SLITRK5: variants seen among roughly 807,000 people sequenced by gnomAD.
SLITRK5 encodes the protein SLIT and NTRK like family member 5.
Under a neutral mutation model 56.2 loss-of-function variants are expected in SLITRK5, and 23 were observed. That is an observed-to-expected ratio of 0.41 (90% CI 0.29 to 0.58). The LOEUF (loss-of-function observed/expected upper bound fraction) is 0.58. Among genes scored for constraint, SLITRK5 ranks in the 20% least tolerant of loss-of-function variants. SLITRK5 has a pLI of 0.30. For synonymous variants in SLITRK5, 637 were observed against 531.8 expected (o/e 1.20, Z -2.72); for missense variants, 1,289 against 1,226.6 (o/e 1.05, Z -0.76).
At position 87,671,827 on chromosome 13, in the gene SLITRK5, C is replaced by A. The variant is rs920077090; in HGVS notation, c.-391C>A. On this transcript the variant is annotated 5_prime_UTR_variant, in exon 1 of 2. Coordinates refer to ENST00000683689, the MANE Select transcript of SLITRK5 (RefSeq NM_001384609.1). ...GGCGGGCTCGGCGCGGAGACAGCGTCGGCGGGATCCCAGCGCGGTGGTCGC... is the reference window on the plus strand; with the variant it reads ...GGCGGGCTCGGCGCGGAGACAGCGTAGGCGGGATCCCAGCGCGGTGGTCGC... 2.0e-5 allele frequency among the ~76,000 whole-genome samples: 3 copies of A among 151,982 alleles called. No homozygotes were observed. The highest frequency in any genetic ancestry group is 2.9e-5 in the Non-Finnish European group (2 of 67,974).
rs760543411 is a variant in SLITRK5 at position 87,675,976 on chromosome 13, T to C, written c.588T>C (p.Leu196=). The C allele has an allele frequency of 1.9e-6, 3 of 1,614,124 alleles. No homozygotes were observed. In the Admixed American group the frequency reaches 5.0e-5, roughly 27 times the overall value. Reference sequence around the variant, plus strand: ...TTTTGTCCAGTTTACCCAACAATCTTTTCCGTTTTGTGCCCTTAACGCACT... The same window carrying C: ...TTTTGTCCAGTTTACCCAACAATCTCTTCCGTTTTGTGCCCTTAACGCACT... The part of the protein sequence containing the change: ...DNLLSSLPNN[L]FRFVPLTHLD... The change falls in exon 2 of 2, where the codon CTT becomes CTC. Residue 196 remains leucine (L), a synonymous_variant. Transcript: ENST00000683689.
chr13:87,676,126 A>C lies in SLITRK5; in HGVS notation c.738A>C (p.Leu246=). The C allele has an allele frequency of 6.2e-7, 1 of 1,614,014 alleles. No individual in the cohort carries two copies. Among genetic ancestry groups the C allele is most frequent in the South Asian group, 1.1e-5 (1 of 91,078 alleles). ...ATTGTTCTTGTGAGCTGATCTCTCT[A>C]AAGGATTGGTTGGACAGCATCTCCT... ...PWNCSCELIS[L]KDWLDSISYS... The change falls in exon 2 of 2, where the codon CTA becomes CTC. Residue 246 remains leucine (L), a synonymous_variant. Coordinates refer to ENST00000683689, the MANE Select transcript of SLITRK5 (RefSeq NM_001384609.1).
Position 87,677,963 on chromosome 13 carries a change from T to G in SLITRK5, c.2575T>G (p.Leu859Val). The G allele has an allele frequency of 2.5e-6, 4 of 1,613,982 alleles. No individual in the cohort carries two copies. Reference protein sequence around the residue: ...QDADRFYRGILEPDKHCSTTP... With the variant: ...QDADRFYRGIVEPDKHCSTTP... ...CGCCGACCGCTTTTACAGGGGCATT[T>G]TAGAACCAGACAAACACTGCTCCAC... The change falls in exon 2 of 2, where the codon TTA (leucine) becomes GTA (valine). Residue 859 changes from leucine to valine, a missense_variant. Leu to Val is a conservative substitution (Grantham distance 32). This residue lies in a region of SLITRK5 where 985 missense variants were observed against 906.0 expected (regional missense o/e 1.09). Coordinates refer to ENST00000683689, the MANE Select transcript of SLITRK5 (RefSeq NM_001384609.1). This position sits in a 1 kb window ranked among gnomAD's most constrained non-coding sequence, Gnocchi z 4.7.
rs778143591 is a variant in SLITRK5, at chr13:87,676,309, C to T, written c.921C>T (p.His307=). The T allele has an allele frequency of 6.2e-7, 1 of 1,614,106 alleles. No individual in the cohort carries two copies. Among genetic ancestry groups the T allele is most frequent in the Admixed American group, 1.7e-5 (1 of 60,014 alleles). The change falls in exon 2 of 2, where the codon CAC becomes CAT. Residue 307 remains histidine, a synonymous_variant. Transcript: ENST00000683689. ...QTPLSTTGYL[H]TTPASVNSVA... The stretch of plus-strand genomic sequence containing the variant: ...CTTTGAGCACCACGGGGTATTTACA[C>T]ACCACCCCGGCGTCAGTGAATTCTG...
Position 87,675,535 on chromosome 13 carries a change from C to T in SLITRK5, c.147C>T (p.Asp49=), listed in dbSNP as rs758620361. The change falls in exon 2 of 2, where the codon GAC becomes GAT. Residue 49 remains aspartate, a synonymous_variant. Transcript: ENST00000683689. ...TCGATTATTATGGGGAAATCTGTGA[C>T]AATGCATGTCCTTGTGAGGAAAAGG... is the stretch of plus-strand genomic sequence containing the variant. The part of the protein sequence containing the change: ...ETIDYYGEIC[D]NACPCEEKDG... 54 of 1,614,052 alleles carry T rather than the reference C, an allele frequency of 3.3e-5. No homozygotes were observed. The Admixed American group carries it at 6.7e-4, about 20-fold the overall frequency.
rs748694724 is a variant in SLITRK5 at position 87,676,517 on chromosome 13, G to A, written c.1129G>A (p.Ala377Thr). The A allele has an allele frequency of 2.1e-5, 34 of 1,613,940 alleles. No individual in the cohort carries two copies. The highest frequency in any genetic ancestry group is 2.7e-5 in the Non-Finnish European group (32 of 1,180,010). The change falls in exon 2 of 2, where the codon GCG becomes ACG. Residue 377 changes from alanine to threonine, a missense_variant. Ala to Thr is a moderately conservative substitution (Grantham distance 58). Coordinates refer to ENST00000683689, the MANE Select transcript of SLITRK5 (RefSeq NM_001384609.1). ...CCCGGTGCCTTTGGAGTGTCCCACC[G>A]CGTGCTCTTGCAACCTGCAGATCTC... ...KSPVPLECPT[A>T]CSCNLQISDL...
In SLITRK5 at chr13:87,678,203, C is replaced by T; in HGVS notation, c.2815C>T (p.Leu939=). The change falls in exon 2 of 2, where the codon CTA becomes TTA. Residue 939 remains leucine, a synonymous_variant. Transcript: ENST00000683689. ...CGAATATCTGGAGTTAAAAGCAAAACTAAACGTTGAGCCGGACTACCTCGA... is the reference window on the plus strand; with the variant it reads ...CGAATATCTGGAGTTAAAAGCAAAATTAAACGTTGAGCCGGACTACCTCGA... ...RNEYLELKAK[L]NVEPDYLEVL... 1.2e-6 allele frequency: 2 copies of T among 1,614,180 alleles called. No individual in the cohort carries two copies. The highest frequency in any genetic ancestry group is 1.7e-6 in the Non-Finnish European group (2 of 1,180,038).
At chr13:87,672,900 T>C (rs894691182) in intron 1 of SLITRK5, 1 of 159,336 alleles carries the variant, frequency 6.3e-6, no homozygotes, top group Non-Finnish European at 1.4e-5. Flanking sequence ...TGTGTGTGTG[T>C]GTGTGTGTCT....
rs1593972111 is a variant in SLITRK5, at chr13:87,675,474, C to T, written c.86C>T (p.Ala29Val). The change falls in exon 2 of 2, where the codon GCT becomes GTT. Residue 29 changes from alanine (A) to valine (V), a missense_variant. By Grantham distance (64) the Ala-to-Val change is moderately conservative. Around this residue, in one of 3 missense-constraint regions of SLITRK5, gnomAD observed 291 missense variants for 286.7 expected, o/e 1.02. Transcript: ENST00000683689. ...TGGATGCTGCAGACTCTAGCGTTTG[C>T]TGTAACATCTCTCGTCCTTTCGTGT... is the stretch of plus-strand genomic sequence containing the variant. ...HSWMLQTLAFAVTSLVLSCAE... is the reference protein window; with the variant it reads ...HSWMLQTLAFVVTSLVLSCAE... The T allele has an allele frequency of 2.5e-6, 4 of 1,614,152 alleles. No individual in the cohort carries two copies. Among genetic ancestry groups the T allele is most frequent in the African/African-American group, 1.3e-5 (1 of 75,042 alleles).
chr13:87,678,059 C>T lies in SLITRK5; in HGVS notation c.2671C>T (p.Pro891Ser). Residue 891 changes from proline (P) to serine (S), a missense_variant, in exon 2 of 2, where the codon CCC becomes TCC. Coordinates refer to ENST00000683689, the MANE Select transcript of SLITRK5 (RefSeq NM_001384609.1). The part of the protein sequence containing the change: ...PCSPAAYTFS[P>S]NYDLRRPHQY... ...CAGCCCCGCTGCTTACACTTTCTCC[C>T]CCAACTATGACCTGAGACGCCCCCA... 1 of 1,614,138 alleles carries T rather than the reference C, an allele frequency of 6.2e-7. No individual in the cohort carries two copies.
In SLITRK5 at chr13:87,678,042, C is replaced by G; in HGVS notation, c.2654C>G (p.Ala885Gly). The change falls in exon 2 of 2, where the codon GCT becomes GGT. Residue 885 changes from alanine to glycine, a missense_variant. By Grantham distance (60) the Ala-to-Gly change is moderately conservative (BLOSUM62 0). Transcript: ENST00000683689. ...PEYPKFPCSP[A>G]AYTFSPNYDL... ...TATCCCAAATTCCCGTGCAGCCCCG[C>G]TGCTTACACTTTCTCCCCCAACTAT... 6.2e-7 allele frequency: 1 copy of G among 1,614,156 alleles called. No individual in the cohort carries two copies. The highest frequency in any genetic ancestry group is 8.5e-7 in the Non-Finnish European group (1 of 1,179,960).
At chr13:87,672,856 TGTGTGTGTGTG>T (rs1877096837) in intron 1 of SLITRK5, 2 of 16,866 alleles carry the variant, frequency 1.2e-4, no homozygotes, top group Admixed American at 1.6e-3. Context: ...GCAAAAGAGG[TGTGTGTGTGTG>T]TGTGTGTGTG....
Position 87,675,961 on chromosome 13 carries a change from T to G in SLITRK5, c.573T>G (p.Ser191Arg). The change falls in exon 2 of 2, where the codon AGT becomes AGG. Residue 191 changes from serine to arginine, a missense_variant. Transcript: ENST00000683689. Reference sequence around the variant, plus strand: ...TCCTCAATGACAATCTTTTGTCCAGTTTACCCAACAATCTTTTCCGTTTTG... The same window carrying G: ...TCCTCAATGACAATCTTTTGTCCAGGTTACCCAACAATCTTTTCCGTTTTG... Reference protein sequence around the residue: ...VLILNDNLLSSLPNNLFRFVP... With the variant: ...VLILNDNLLSRLPNNLFRFVP... 6.2e-7 allele frequency: 1 copy of G among 1,614,122 alleles called. No homozygotes were observed. The highest frequency in any genetic ancestry group is 8.5e-7 in the Non-Finnish European group (1 of 1,180,012).
At chr13:87,674,153 G>A (rs1022950481) in intron 1 of SLITRK5, among the ~76,000 whole-genome samples, 1 of 152,046 alleles carries the variant, frequency 6.6e-6, no homozygotes, top group South Asian at 2.1e-4. Context: ...AGGGGGAGGG[G>A]GTCATATTGA....
At chr13:87,674,007 AACACACAC>A (rs71101016) in intron 1 of SLITRK5, among the ~76,000 whole-genome samples, 2,226 of 142,526 alleles carry the variant, frequency 0.016, 18 homozygotes, top group Middle Eastern at 0.03. Flanking sequence ...CGCACACACA[AACACACAC>A]ACACACACAC....
intron 1 of SLITRK5, chr13:87,674,504 T>G (rs2137941166): frequency 5.5e-6 from 3 of 547,798 alleles, no homozygotes; most frequent in Non-Finnish European, 7.0e-6. Flanking sequence ...ATTCGGAGAT[T>G]GCGGATACCT....
At chr13:87,673,590 T>C in intron 1 of SLITRK5, 2 of 1,150,870 alleles carry the variant, frequency 1.7e-6, no homozygotes, top group Non-Finnish European at 2.3e-6. Flanking sequence ...CGTTTTGCTT[T>C]CACTGGGGTG....
rs1461739998 is a variant in SLITRK5, at chr13:87,678,119, C to T, written c.2731C>T (p.Leu911=). The T allele has an allele frequency of 6.2e-7, 1 of 1,614,220 alleles. No homozygotes were observed. The highest frequency in any genetic ancestry group is 1.3e-5 in the African/African-American group (1 of 75,064). Residue 911 remains leucine, a synonymous_variant, in exon 2 of 2, where the codon CTA becomes TTA. Coordinates refer to ENST00000683689, the MANE Select transcript of SLITRK5 (RefSeq NM_001384609.1). ...YLHPGAGDSR[L]REPVLYSPPS... ...GCACCCGGGGGCAGGGGACAGCAGG[C>T]TACGGGAACCGGTGCTCTACAGCCC...
In SLITRK5 at chr13:87,675,756, G is replaced by T. The variant is rs1302195301; in HGVS notation, c.368G>T (p.Gly123Val). 6.2e-7 allele frequency: 1 copy of T among 1,614,008 alleles called. No individual in the cohort carries two copies. The highest frequency in any genetic ancestry group is 1.3e-5 in the African/African-American group (1 of 74,890). The change falls in exon 2 of 2, where the codon GGG becomes GTG. Residue 123 changes from glycine to valine, a missense_variant. Gly to Val is a moderately radical substitution (Grantham distance 109). Transcript: ENST00000683689. ...AATGTTATCCAGGACATTGAGACCG[G>T]GGCTTTCCATGGGCTACGGGGTTTG... ...GSNVIQDIET[G>V]AFHGLRGLRR...
Sources: allele counts gnomAD v4.1 joint callset (sites outside exome capture counted in the v4.1 genomes callset), GRCh38; gene constraint gnomAD v4.1.1; regional missense constraint gnomAD v4.1.1; non-coding constraint Gnocchi (gnomAD v3.1); transcripts MANE v1.5; gene names NCBI Gene and HGNC (gene_info 2026-07-23, HGNC 2026-07-21).